The following PCDHA2 variants were observed in gnomAD, a reference collection of about 807,000 sequenced individuals.
PCDHA2 encodes the protein protocadherin alpha 2.
PCDHA2 carries 58 observed loss-of-function variants against 66.0 expected under a neutral mutation model. The ratio of observed to expected loss-of-function variants is 0.88; its 90% CI spans 0.71 to 1.09. The LOEUF (loss-of-function observed/expected upper bound fraction) is 1.09, where lower values mean the gene tolerates loss of function less well. Among genes scored for constraint, PCDHA2 ranks in the 50% least tolerant of loss-of-function variants. The probability of loss-of-function intolerance (pLI) is 0.00; values close to 1 mark genes in which losing one functional copy is unlikely to be tolerated. For missense variants in PCDHA2, 1,267 were observed against 1,242.3 expected, an observed-to-expected ratio of 1.02 and a Z score of -0.30; for synonymous variants, 634 against 554.0, an observed-to-expected ratio of 1.14 and a Z score of -2.03.
rs1554119533 is a variant in PCDHA2, at chr5:140,795,681, A to G, written c.717A>G (p.Glu239=). ...LIKVLDVNDN[E]PTFAQSVYKV... ...AGGTATTAGATGTAAATGACAATGA[A>G]CCAACTTTTGCCCAATCAGTTTACA... is the stretch of plus-strand genomic sequence containing the variant. The change falls in exon 1 of 4, where the codon GAA becomes GAG. Residue 239 remains glutamate (E), a synonymous_variant. Transcript: ENST00000526136. The G allele has an allele frequency of 3.1e-6, 5 of 1,613,986 alleles. No individual in the cohort carries two copies. The highest frequency in any genetic ancestry group is 3.4e-6 in the Non-Finnish European group (4 of 1,179,986).
Position 140,850,115 on chromosome 5 carries a change from G to C in PCDHA2, c.2388+52763G>C, listed in dbSNP as rs2150468444. ...AGTTCCAGGTGAGCGCGCGCGACGCGGGCGTGCCGCCTCTGGGCAGCAACG... is the reference window on the plus strand; with the variant it reads ...AGTTCCAGGTGAGCGCGCGCGACGCCGGCGTGCCGCCTCTGGGCAGCAACG... On this transcript the variant is annotated intron_variant, in intron 1 of 3. Transcript: ENST00000526136. The C allele has an allele frequency of 8.1e-6, 13 of 1,596,094 alleles. 2 individuals are homozygous for C. Among genetic ancestry groups the C allele is most frequent in the Non-Finnish European group, 1.1e-5 (13 of 1,167,854 alleles).
chr5:140,831,934 C>T (rs1161923837), intron 1 of PCDHA2, among the ~76,000 whole-genome samples: 1 of 152,026 alleles, frequency 6.6e-6, no homozygotes, highest in African/African-American at 2.4e-5. Context: ...ACTAGTTTTC[C>T]GAAGAGGAAA....
chr5:140,856,293 T>C, intron 1 of PCDHA2: 7 of 1,598,502 alleles, frequency 4.4e-6, no homozygotes, highest in Non-Finnish European at 6.0e-6. Context: ...CAGAATGGCA[T>C]TTTGTTTGTG....
At chr5:140,830,384 C>A (rs1169733601) in intron 1 of PCDHA2, 1 of 1,614,156 alleles carries the variant, frequency 6.2e-7, no homozygotes, top group Non-Finnish European at 8.5e-7. Context: ...GGAGGGCCCA[C>A]CCAAGATGGA....
At chr5:140,807,980 A>G (rs1764075341) in intron 1 of PCDHA2, 2 of 1,613,730 alleles carry the variant, frequency 1.2e-6, no homozygotes, top group Non-Finnish European at 1.7e-6. Context: ...AATTAAACTT[A>G]ACGCCTCAGA....
In PCDHA2 at chr5:141,011,214, T is replaced by C. The variant is rs2098419822; in HGVS notation, c.*1277T>C. On this transcript the variant is annotated 3_prime_UTR_variant, in exon 4 of 4. Transcript: ENST00000526136. ...ATTGTTTTCTCATACAGTGAGCAGA[T>C]TTTTCAATCTACTAATTCTGTGACT... 1 of 153,748 alleles carries C rather than the reference T, an allele frequency of 6.5e-6. No individual in the cohort carries two copies. Among genetic ancestry groups the C allele is most frequent in the African/African-American group, 2.4e-5 (1 of 41,448 alleles). The allele number at this position is 153,748 out of a possible 1,614,324, so 9.5% of individuals were successfully genotyped here. A position where few individuals can be genotyped will look rare whatever the true frequency, so the allele number is the denominator to read the frequency against.
chr5:140,901,642 C>T lies in PCDHA2; in HGVS notation c.2389-77307C>T, dbSNP rs369623028. Among the ~76,000 whole-genome samples, 37 of 152,054 alleles carry T rather than the reference C, an allele frequency of 2.4e-4. No individual in the cohort carries two copies. In the East Asian group the frequency reaches 3.3e-3, roughly 13 times the overall value. On this transcript the variant is annotated intron_variant, in intron 1 of 3. Transcript: ENST00000526136. ...TTGAAGTCAGGTAATGTGATTCTTC[C>T]GGTTTTGTTCTTTTTGCTCAAGATA...
intron 1 of PCDHA2, among the ~76,000 whole-genome samples, chr5:140,837,845 T>C (rs1033041173): frequency 1.3e-5 from 2 of 151,414 alleles, no homozygotes; most frequent in Admixed American, 1.3e-4. Flanking sequence ...GCCTGGCTAA[T>C]TTTATTTTAT....
chr5:140,884,586 G>A (rs782106355), intron 1 of PCDHA2: 1 of 1,614,250 alleles, frequency 6.2e-7, no homozygotes, highest in Admixed American at 1.7e-5. Flanking sequence ...ATGGCCTTCA[G>A]TCCCAGCCTT....
chr5:140,922,799 A>T (rs1188093750), intron 1 of PCDHA2, among the ~76,000 whole-genome samples: 1 of 152,264 alleles, frequency 6.6e-6, no homozygotes, highest in Non-Finnish European at 1.5e-5. Context: ...GCTTTGGAAT[A>T]CAGAAAAAGG....
At position 140,850,183 on chromosome 5, in the gene PCDHA2, C is replaced by A. The variant is rs2150471701; in HGVS notation, c.2388+52831C>A. The A allele has an allele frequency of 1.8e-5, 29 of 1,593,776 alleles. 2 individuals carry two copies. In the South Asian group the frequency reaches 3.1e-4, roughly 17 times the overall value. On this transcript the variant is annotated intron_variant, in intron 1 of 3. Coordinates refer to ENST00000526136, the MANE Select transcript of PCDHA2 (RefSeq NM_018905.3). The stretch of plus-strand genomic sequence containing the variant: ...GTGCTGGACGAGAACGACAATGCGC[C>A]GGCGCTGCTGACACCTCGGATGAGG...
At chr5:140,982,097 C>A (rs1313290841) in intron 2 of PCDHA2, among the ~76,000 whole-genome samples, 1 of 152,194 alleles carries the variant, frequency 6.6e-6, no homozygotes, top group Non-Finnish European at 1.5e-5. Flanking sequence ...AACAAGAGAA[C>A]CTGCAAGAGA....
chr5:140,941,198 T>TC (rs1563184066), intron 1 of PCDHA2, among the ~76,000 whole-genome samples: 3 of 119,812 alleles, frequency 2.5e-5, no homozygotes, highest in African/African-American at 1.0e-4. Flanking sequence ...TTTTTTTCTT[T>TC]CTTCCTTTCT....
chr5:140,966,426 C>T, intron 1 of PCDHA2: 1 of 421,820 alleles, frequency 2.4e-6, no homozygotes. Flanking sequence ...ACTTGCTGAG[C>T]CCTCCTACCG....
chr5:140,800,221 T>G (rs1762526327), intron 1 of PCDHA2, among the ~76,000 whole-genome samples: 1 of 152,126 alleles, frequency 6.6e-6, no homozygotes, highest in Admixed American at 6.5e-5. Context: ...GATGTGAGTG[T>G]AACAAATATA....
intron 1 of PCDHA2, chr5:140,843,593 GTGTGCTC>G: frequency 1.3e-6 from 2 of 1,596,072 alleles, no homozygotes; most frequent in Non-Finnish European, 1.7e-6. Context: ...GCCGCAGAGG[GTGTGCTC>G]TGGTGAGGGG....
intron 1 of PCDHA2, among the ~76,000 whole-genome samples, chr5:140,942,139 A>G (rs1211983428): frequency 6.6e-6 from 1 of 152,248 alleles, no homozygotes; most frequent in African/African-American, 2.4e-5. Flanking sequence ...TTGTGGCTTT[A>G]CTTGACATAA....
At chr5:140,861,743 C>T in intron 1 of PCDHA2, 1 of 152,806 alleles carries the variant, frequency 6.5e-6, no homozygotes, top group Non-Finnish European at 1.4e-5. Context: ...CATACTGTGC[C>T]GCAATGATTA....
At chr5:140,799,828 A>G (rs1762478600) in intron 1 of PCDHA2, among the ~76,000 whole-genome samples, 1 of 152,148 alleles carries the variant, frequency 6.6e-6, no homozygotes, top group African/African-American at 2.4e-5. Context: ...TCTGGGTATA[A>G]GCAAAAATTT....
Sources: allele counts gnomAD v4.1 joint callset (sites outside exome capture counted in the v4.1 genomes callset), GRCh38; gene constraint gnomAD v4.1.1; transcripts MANE v1.5; gene names NCBI Gene and HGNC (gene_info 2026-07-23, HGNC 2026-07-21).